Variants in PLCB1 observed in about 807,000 individuals in gnomAD.
PLCB1 encodes the protein 1-phosphatidylinositol 4,5-bisphosphate phosphodiesterase beta-1.
Under a neutral mutation model 161.8 loss-of-function variants are expected in PLCB1, and 46 were observed. The observed-to-expected ratio is 0.28, with a 90% CI of 0.22 to 0.36. The LOEUF (loss-of-function observed/expected upper bound fraction) is 0.36. Among genes scored for constraint, PLCB1 ranks in the 10% least tolerant of loss-of-function variants. The pLI is 1.00. For synonymous variants in PLCB1, 517 were observed against 503.7 expected, an observed-to-expected ratio of 1.03 and a Z score of -0.35; for missense variants, 1,016 against 1,472.5, an observed-to-expected ratio of 0.69 and a Z score of 5.07.
At chr20:8,174,206 A>G (rs2051760032) in intron 2 of PLCB1, among the ~76,000 whole-genome samples, 1 of 152,246 alleles carries the variant, frequency 6.6e-6, no homozygotes, top group South Asian at 2.1e-4. Context: ...AACTTCTGAA[A>G]ACAAAGGCAA....
At chr20:8,134,273 T>C (rs943883534) in intron 1 of PLCB1, among the ~76,000 whole-genome samples, 1 of 152,230 alleles carries the variant, frequency 6.6e-6, no homozygotes, top group African/African-American at 2.4e-5. Context: ...CTTGCCCATT[T>C]TGAGATCCTT....
At chr20:8,628,584 A>G (rs1988429915) in intron 4 of PLCB1, 153 bp downstream of exon 4, 1 of 697,756 alleles carries the variant, frequency 1.4e-6, no homozygotes, top group African/African-American at 1.8e-5. Context: ...AAGTGCAATT[A>G]AAATACTTCT....
intron 9 of PLCB1, among the ~76,000 whole-genome samples, chr20:8,661,995 ATTAT>A (rs1412388504): frequency 6.6e-4 from 17 of 25,796 alleles, no homozygotes; most frequent in African/African-American, 1.6e-3. Context: ...TAATTATATA[ATTAT>A]TTATTATATA....
intron 31 of PLCB1, among the ~76,000 whole-genome samples, chr20:8,875,400 A>G (rs994167504): frequency 2.0e-5 from 3 of 148,010 alleles, no homozygotes; most frequent in Admixed American, 6.8e-5. Context: ...TGGTATATAT[A>G]CTATACGTAG....
At chr20:8,452,320 A>G (rs551329347) in intron 3 of PLCB1, among the ~76,000 whole-genome samples, 3 of 152,328 alleles carry the variant, frequency 2.0e-5, no homozygotes, top group Non-Finnish European at 4.4e-5. Context: ...GGACACTCCC[A>G]GGAATTTTTT....
chr20:8,506,541 G>A (rs902643768), intron 3 of PLCB1, among the ~76,000 whole-genome samples: 13 of 152,048 alleles, frequency 8.5e-5, no homozygotes, highest in Non-Finnish European at 1.5e-5. Context: ...AAAAATCAGA[G>A]CTTTAATGAA....
chr20:8,779,323 A>G (rs1419098881), intron 27 of PLCB1, among the ~76,000 whole-genome samples: 1 of 152,136 alleles, frequency 6.6e-6, no homozygotes, highest in East Asian at 1.9e-4. Flanking sequence ...GGGGATGTGT[A>G]TAATAAACAG....
At chr20:8,417,075 T>A (rs4997935) in intron 3 of PLCB1, among the ~76,000 whole-genome samples, 1,263 of 29,022 alleles carry the variant, frequency 0.044, 9 homozygotes, top group African/African-American at 0.11. Flanking sequence ...ATATATATAT[T>A]TTTTTTTTTT....
chr20:8,842,538 G>A (rs911242361), intron 31 of PLCB1, among the ~76,000 whole-genome samples: 1 of 152,148 alleles, frequency 6.6e-6, no homozygotes, highest in African/African-American at 2.4e-5. Flanking sequence ...ACGAGCCGCA[G>A]ACAAGAACCC....
intron 2 of PLCB1, among the ~76,000 whole-genome samples, chr20:8,215,372 G>T (rs1490301512): frequency 1.3e-5 from 2 of 152,038 alleles, no homozygotes; most frequent in African/African-American, 4.8e-5. Context: ...AAGCTAGGAT[G>T]CTTGGGGAGC....
intron 1 of PLCB1, among the ~76,000 whole-genome samples, chr20:8,142,375 A>G (rs6118085): frequency 0.24 from 37,215 of 152,078 alleles, 4,932 homozygotes; most frequent in East Asian, 0.35. Context: ...GGACTCTGTG[A>G]CCTTCTTAAA....
rs567712126 is a variant in PLCB1, at chr20:8,698,979, C to T, written c.1167+1196C>T. ...AAATATCTAAAGTCTGTCCACATGT[C>T]CTGCAAAGAGCCTTCCCCAGGGGGT... On this transcript the variant is annotated intron_variant, in intron 11 of 31. Coordinates refer to ENST00000338037, the MANE Select transcript of PLCB1 (RefSeq NM_015192.4). Among the ~76,000 whole-genome samples, 13 of 152,262 alleles carry T rather than the reference C, an allele frequency of 8.5e-5. No individual in the cohort carries two copies. The South Asian group carries it at 1.0e-3, about 12-fold the overall frequency.
At chr20:8,198,665 T>C (rs2052055901) in intron 2 of PLCB1, among the ~76,000 whole-genome samples, 1 of 152,164 alleles carries the variant, frequency 6.6e-6, no homozygotes, top group East Asian at 1.9e-4. Context: ...CTTTTTTTTA[T>C]ATTGCCTCAG....
chr20:8,244,391 C>G (rs1009167310), intron 2 of PLCB1, among the ~76,000 whole-genome samples: 1 of 151,818 alleles, frequency 6.6e-6, no homozygotes, highest in African/African-American at 2.4e-5. Context: ...AAATAGAATA[C>G]TGTTCAGCAA....
intron 3 of PLCB1, among the ~76,000 whole-genome samples, chr20:8,604,278 A>AAAG: frequency 1.4e-5 from 2 of 145,334 alleles, no homozygotes; most frequent in Admixed American, 6.9e-5. Context: ...AAAAAAAAAA[A>AAAG]GGTTACTTTG....
At chr20:8,548,150 TTCTC>T (rs758757268) in intron 3 of PLCB1, among the ~76,000 whole-genome samples, 6 of 151,376 alleles carry the variant, frequency 4.0e-5, no homozygotes, top group South Asian at 2.1e-4. Flanking sequence ...CCTTCTTTCT[TTCTC>T]TCTTTCTCTT....
intron 3 of PLCB1, among the ~76,000 whole-genome samples, chr20:8,428,323 C>T (rs544498594): frequency 4.2e-4 from 64 of 152,066 alleles, no homozygotes; most frequent in African/African-American, 1.4e-3. Flanking sequence ...CGGGTTCAAG[C>T]GATTCACCTG....
intron 2 of PLCB1, among the ~76,000 whole-genome samples, chr20:8,286,986 A>T (rs1458304698): frequency 6.6e-6 from 1 of 152,140 alleles, no homozygotes; most frequent in Non-Finnish European, 1.5e-5. Context: ...CAAGGATATA[A>T]ATTCTCATAT....
rs34028351 is a variant in PLCB1 at position 8,632,035 on chromosome 20, C to CTTTTTTTTTTTTTTTTTTTT, written c.384+3617_384+3636dup. The stretch of plus-strand genomic sequence containing the variant: ...AGGAGACAAATATGGGTTTTTTTTG[C>CTTTTTTTTTTTTTTTTTTTT]TTTTTTTTTTTTTTTTTTTTTTTTT... On this transcript the variant is annotated intron_variant, in intron 4 of 31. Transcript: ENST00000338037. 1.1e-4 allele frequency among the ~76,000 whole-genome samples: 5 copies of CTTTTTTTTTTTTTTTTTTTT among 45,984 alleles called. 1 individual carries two copies. Among genetic ancestry groups the CTTTTTTTTTTTTTTTTTTTT allele is most frequent in the Admixed American group, 3.0e-4 (1 of 3,372 alleles). The allele number at this position is 45,984 out of a possible 152,430, so 30.2% of individuals were successfully genotyped here.
Sources: gnomAD v4.1 joint callset for allele counts (sites outside exome capture counted in the v4.1 genomes callset) on GRCh38, gnomAD v4.1.1 for gene constraint, MANE v1.5 for transcripts, NCBI Gene and HGNC (gene_info 2026-07-23, HGNC 2026-07-21) for gene names.